The following IPMK variants were observed in gnomAD, a reference collection of about 807,000 sequenced individuals.
IPMK encodes inositol 1,3,4,6-tetrakisphosphate 5-kinase.
Under a neutral mutation model 45.8 loss-of-function variants are expected in IPMK, and 17 were observed. The ratio of observed to expected loss-of-function variants is 0.37; its 90% CI spans 0.25 to 0.56. IPMK has a LOEUF of 0.56. Among genes scored for constraint, IPMK ranks in the 20% least tolerant of loss-of-function variants. The probability of loss-of-function intolerance (pLI) is 0.79; values close to 1 mark genes in which losing one functional copy is unlikely to be tolerated. For missense variants in IPMK, 399 were observed against 498.0 expected (o/e 0.80, Z 1.89); for synonymous variants, 180 against 184.3 (o/e 0.98, Z 0.19).
At chr10:58,255,955 ATT>A (rs1442935610) in intron 1 of IPMK, among the ~76,000 whole-genome samples, 1 of 152,182 alleles carries the variant, frequency 6.6e-6, no homozygotes, top group Non-Finnish European at 1.5e-5. Flanking sequence ...CCCAATCAAT[ATT>A]CTTATAATTT....
chr10:58,221,819 G>A (rs965725594), intron 3 of IPMK, among the ~76,000 whole-genome samples: 8 of 151,970 alleles, frequency 5.3e-5, no homozygotes, highest in African/African-American at 1.9e-4. Flanking sequence ...TGTGATCTTG[G>A]CTCACTGCAA....
At chr10:58,233,584 A>G (rs560503344) in intron 2 of IPMK, among the ~76,000 whole-genome samples, 2 of 152,302 alleles carry the variant, frequency 1.3e-5, no homozygotes, top group South Asian at 4.1e-4. Flanking sequence ...TGATTATCTC[A>G]AGAGATGAAG....
chr10:58,223,333 T>C (rs1038922898), intron 3 of IPMK, among the ~76,000 whole-genome samples: 2 of 152,050 alleles, frequency 1.3e-5, no homozygotes, highest in African/African-American at 4.8e-5. Flanking sequence ...CTTGATACCC[T>C]AAGAAAAAGA....
chr10:58,196,870 C>G (rs1209011465), intron 5 of IPMK, among the ~76,000 whole-genome samples, 172 bp from the exon 6 acceptor site: 1 of 152,140 alleles, frequency 6.6e-6, no homozygotes, highest in Non-Finnish European at 1.5e-5. Flanking sequence ...CTGACCTCAG[C>G]TTGATTTTTG....
intron 4 of IPMK, among the ~76,000 whole-genome samples, chr10:58,201,850 A>C (rs763938063): frequency 1.3e-5 from 2 of 152,194 alleles, no homozygotes; most frequent in Non-Finnish European, 2.9e-5. Context: ...ACAAATGATA[A>C]GAAAGTGAAA....
chr10:58,243,700 C>T (rs985767199), intron 1 of IPMK, among the ~76,000 whole-genome samples: 1 of 152,184 alleles, frequency 6.6e-6, no homozygotes, highest in African/African-American at 2.4e-5. Flanking sequence ...AGTGCAGTGG[C>T]GTGATCTCGG....
chr10:58,216,207 G>T lies in IPMK; in HGVS notation c.484C>A (p.Gln162Lys), dbSNP rs776825670. The change falls in exon 4 of 6, where the codon CAG becomes AAG. Residue 162 changes from glutamine (Q) to lysine (K), a missense_variant. Physicochemically the swap from Gln to Lys is moderately conservative, Grantham distance 53. Coordinates refer to ENST00000373935, the MANE Select transcript of IPMK (RefSeq NM_152230.5). ...AATGGGTACTTGCTGACCTGTTGCT[G>T]AATCTTCTCAGATGAGGCAAAAGGA... Reference protein sequence around the residue: ...YDPFASSEKIQQQVSKYPLME... With the variant: ...YDPFASSEKIKQQVSKYPLME... The T allele has an allele frequency of 1.9e-6, 3 of 1,612,060 alleles. No homozygotes were observed. Among genetic ancestry groups the T allele is most frequent in the Non-Finnish European group, 2.5e-6 (3 of 1,179,114 alleles).
At chr10:58,208,482 ATATT>A (rs2132147666) in intron 4 of IPMK, among the ~76,000 whole-genome samples, 1 of 70,968 alleles carries the variant, frequency 1.4e-5, no homozygotes, top group Admixed American at 1.1e-4. Flanking sequence ...GTTCTTGAAT[ATATT>A]TTTGATTTGA....
rs542603522 is a variant in IPMK at position 58,224,839 on chromosome 10, C to G, written c.373+2204G>C. Among the ~76,000 whole-genome samples the G allele has an allele frequency of 3.3e-5, 5 of 152,310 alleles. No individual in the cohort carries two copies. The South Asian group carries it at 1.0e-3, about 32-fold the overall frequency. ...TAACGCAAACCATAGTATTCTACTACAACTCAAGCAAATATGTTTTCATGA... is the reference window on the plus strand; with the variant it reads ...TAACGCAAACCATAGTATTCTACTAGAACTCAAGCAAATATGTTTTCATGA... On this transcript the variant is annotated intron_variant, in intron 3 of 5. Transcript: ENST00000373935.
At chr10:58,264,670 C>T (rs977253491) in intron 1 of IPMK, among the ~76,000 whole-genome samples, 2 of 152,014 alleles carry the variant, frequency 1.3e-5, no homozygotes, top group African/African-American at 4.8e-5. Context: ...AAGTACATTA[C>T]TTATCACAGC....
chr10:58,215,401 A>G (rs1377571712), intron 4 of IPMK, among the ~76,000 whole-genome samples: 2 of 98,674 alleles, frequency 2.0e-5, no homozygotes. Context: ...TTTTTTTGGT[A>G]GGGGGGTGGC....
At chr10:58,230,268 C>A (rs1838492912) in intron 2 of IPMK, among the ~76,000 whole-genome samples, 1 of 152,204 alleles carries the variant, frequency 6.6e-6, no homozygotes, top group African/African-American at 2.4e-5. Flanking sequence ...CAGACTTAAA[C>A]GTCCCTGTCT....
intron 1 of IPMK, among the ~76,000 whole-genome samples, chr10:58,261,413 G>T (rs1328346965): frequency 6.6e-6 from 1 of 151,830 alleles, no homozygotes; most frequent in Non-Finnish European, 1.5e-5. Flanking sequence ...TTGGAAGCAT[G>T]TTAATGTTAT....
At position 58,253,795 on chromosome 10, in the gene IPMK, A is replaced by G. The variant is rs149344110; in HGVS notation, c.190+13627T>C. ...AAGAAAAATAGCTTTACTGGGTACAATAGTCTTGGAGGACAATTTTCCTTC... is the reference window on the plus strand; with the variant it reads ...AAGAAAAATAGCTTTACTGGGTACAGTAGTCTTGGAGGACAATTTTCCTTC... On this transcript the variant is annotated intron_variant, in intron 1 of 5. Transcript: ENST00000373935. 6.3e-4 allele frequency among the ~76,000 whole-genome samples: 95 copies of G among 151,948 alleles called. No individual in the cohort carries two copies. In the East Asian group the frequency reaches 0.017, roughly 27 times the overall value.
intron 3 of IPMK, among the ~76,000 whole-genome samples, chr10:58,225,790 T>C (rs1838405026): frequency 6.6e-6 from 1 of 151,994 alleles, no homozygotes; most frequent in South Asian, 2.1e-4. Context: ...CTTTCCTTTA[T>C]CTCATTTATA....
At chr10:58,267,217 C>A (rs1839160921) in intron 1 of IPMK, among the ~76,000 whole-genome samples, 2 of 152,190 alleles carry the variant, frequency 1.3e-5, no homozygotes, top group South Asian at 4.1e-4. Context: ...GCAAGCCTGA[C>A]GACCCACACC....
chr10:58,231,792 A>G (rs528705687), intron 2 of IPMK, among the ~76,000 whole-genome samples: 2 of 152,286 alleles, frequency 1.3e-5, no homozygotes, highest in Admixed American at 1.3e-4. Context: ...TAACCAGCGA[A>G]CATCATAATG....
chr10:58,242,776 T>A (rs1036127704), intron 1 of IPMK, among the ~76,000 whole-genome samples: 9 of 152,210 alleles, frequency 5.9e-5, no homozygotes, highest in African/African-American at 2.2e-4. Context: ...TTTGGTTCTG[T>A]ATGCCCACCC....
intron 1 of IPMK, among the ~76,000 whole-genome samples, chr10:58,250,185 T>C (rs917555514): frequency 1.3e-5 from 2 of 152,232 alleles, no homozygotes; most frequent in African/African-American, 4.8e-5. Context: ...TGTGGTTCCA[T>C]ACAAATTTAG....
Sources: gnomAD v4.1 joint callset for allele counts (sites outside exome capture counted in the v4.1 genomes callset) on GRCh38, gnomAD v4.1.1 for gene constraint, MANE v1.5 for transcripts, NCBI Gene and HGNC (gene_info 2026-07-23, HGNC 2026-07-21) for gene names.